HS3ST4: variants seen among roughly 807,000 people sequenced by gnomAD.
HS3ST4 encodes the protein heparan sulfate glucosamine 3-O-sulfotransferase 4.
A neutral mutation model predicts 29.2 loss-of-function variants in HS3ST4; 17 were observed. That is an observed-to-expected ratio of 0.58 (90% confidence interval 0.40 to 0.87). HS3ST4 has a LOEUF of 0.87. HS3ST4 is among the 40% of genes least tolerant of loss of function. The pLI is 0.00. For synonymous variants in HS3ST4, 314 were observed against 285.7 expected, an observed-to-expected ratio of 1.10 and a Z score of -1.00; for missense variants, 627 against 634.5, an observed-to-expected ratio of 0.99 and a Z score of 0.13.
At chr16:25,867,838 A>G (rs1348425748) in intron 1 of HS3ST4, among the ~76,000 whole-genome samples, 2 of 152,132 alleles carry the variant, frequency 1.3e-5, no homozygotes, top group Non-Finnish European at 2.9e-5. Flanking sequence ...GATCTCATGT[A>G]GGTTAGTCTT....
chr16:26,033,043 C>T (rs1969547312), intron 1 of HS3ST4, among the ~76,000 whole-genome samples: 1 of 152,120 alleles, frequency 6.6e-6, no homozygotes, highest in South Asian at 2.1e-4. Context: ...AGGTGGGACC[C>T]ATTCATTAAG....
chr16:25,955,255 A>G (rs1023206648), intron 1 of HS3ST4, among the ~76,000 whole-genome samples: 1 of 152,162 alleles, frequency 6.6e-6, no homozygotes, highest in African/African-American at 2.4e-5. Context: ...CTAGTTGGCA[A>G]TGGGTCAGGG....
intron 1 of HS3ST4, among the ~76,000 whole-genome samples, chr16:25,836,790 A>C (rs949969786): frequency 2.0e-5 from 3 of 152,218 alleles, no homozygotes; most frequent in Admixed American, 6.5e-5. Flanking sequence ...ATAATTCTTG[A>C]ATAAAGGATA....
chr16:25,889,109 C>T (rs1258285024), intron 1 of HS3ST4, among the ~76,000 whole-genome samples: 2 of 152,152 alleles, frequency 1.3e-5, no homozygotes, highest in Non-Finnish European at 2.9e-5. Context: ...CTTGTCAGAT[C>T]CCACTTCAAT....
intron 1 of HS3ST4, among the ~76,000 whole-genome samples, chr16:25,919,027 TTTTA>T (rs1410858286): frequency 6.6e-6 from 1 of 152,192 alleles, no homozygotes; most frequent in Non-Finnish European, 1.5e-5. Flanking sequence ...ATGCATTTTA[TTTTA>T]TTTTACTTCT....
At chr16:25,863,888 A>C (rs1280576394) in intron 1 of HS3ST4, among the ~76,000 whole-genome samples, 1 of 152,274 alleles carries the variant, frequency 6.6e-6, no homozygotes, top group East Asian at 1.9e-4. Context: ...TGGTTTAAAC[A>C]AAAGAAATTA....
intron 1 of HS3ST4, among the ~76,000 whole-genome samples, chr16:25,896,226 T>C (rs1386824633): frequency 6.6e-6 from 1 of 152,186 alleles, no homozygotes; most frequent in Non-Finnish European, 1.5e-5. Flanking sequence ...GTGATGTGTC[T>C]TGGGTGATTC....
chr16:25,779,550 T>C (rs1966850782), intron 1 of HS3ST4, among the ~76,000 whole-genome samples: 1 of 152,224 alleles, frequency 6.6e-6, no homozygotes, highest in South Asian at 2.1e-4. Context: ...GCTTGGAGTG[T>C]GTCAGACCCT....
chr16:25,925,557 T>G (rs750784346), intron 1 of HS3ST4, among the ~76,000 whole-genome samples: 4 of 152,040 alleles, frequency 2.6e-5, no homozygotes, highest in Non-Finnish European at 5.9e-5. Context: ...CAGAGAAACC[T>G]CTTGTGTCGT....
chr16:26,030,399 C>T (rs1370752528), intron 1 of HS3ST4, among the ~76,000 whole-genome samples: 2 of 151,910 alleles, frequency 1.3e-5, no homozygotes, highest in Admixed American at 6.6e-5. Flanking sequence ...GGTGAGACGC[C>T]GTCTCTAAAA....
chr16:25,712,394 G>A (rs1010374193), intron 1 of HS3ST4, among the ~76,000 whole-genome samples: 2 of 152,080 alleles, frequency 1.3e-5, no homozygotes, highest in Admixed American at 6.5e-5. Flanking sequence ...GGTGGTGCAT[G>A]CCTTTAGTCC....
At chr16:25,997,928 T>C (rs1596639553) in intron 1 of HS3ST4, among the ~76,000 whole-genome samples, 2 of 152,276 alleles carry the variant, frequency 1.3e-5, no homozygotes, top group Admixed American at 1.3e-4. Flanking sequence ...AGATATCTTT[T>C]CTGTCTTTTC....
intron 1 of HS3ST4, among the ~76,000 whole-genome samples, chr16:25,879,050 C>T (rs1406686906): frequency 6.6e-6 from 1 of 152,172 alleles, no homozygotes; most frequent in Non-Finnish European, 1.5e-5. Context: ...GTGTCACTGA[C>T]TGAAGCATCT....
Position 26,104,058 on chromosome 16 carries a change from G to C in HS3ST4, c.735-31554G>C, listed in dbSNP as rs115112684. On this transcript the variant is annotated intron_variant, in intron 1 of 1. Coordinates refer to ENST00000331351, the MANE Select transcript of HS3ST4 (RefSeq NM_006040.3). ...CTGGGAATGCATTTGACTGTATTTA[G>C]AACTCCCTAAAGGAAGAATGAGTTT... Among the ~76,000 whole-genome samples the C allele has an allele frequency of 5.3e-3, 810 of 152,288 alleles. 7 individuals are homozygous for C. The highest frequency in any genetic ancestry group is 0.019 in the African/African-American group (780 of 41,560).
At chr16:26,052,957 A>G (rs1384720533) in intron 1 of HS3ST4, among the ~76,000 whole-genome samples, 2 of 152,340 alleles carry the variant, frequency 1.3e-5, no homozygotes, top group African/African-American at 4.8e-5. Flanking sequence ...TTCATCTTGC[A>G]TAACATATGT....
chr16:26,074,252 T>G (rs1033431386), intron 1 of HS3ST4, among the ~76,000 whole-genome samples: 6 of 152,202 alleles, frequency 3.9e-5, no homozygotes, highest in Non-Finnish European at 8.8e-5. Flanking sequence ...GCTCTAAATC[T>G]CACATCAGGT....
intron 1 of HS3ST4, among the ~76,000 whole-genome samples, chr16:25,999,913 A>C (rs1969198594): frequency 1.4e-5 from 2 of 138,890 alleles, no homozygotes; most frequent in African/African-American, 2.7e-5. Flanking sequence ...ATATATATAT[A>C]TCTGTTTTTC....
chr16:25,818,981 G>A (rs1017048567), intron 1 of HS3ST4, among the ~76,000 whole-genome samples: 7 of 152,114 alleles, frequency 4.6e-5, no homozygotes, highest in African/African-American at 7.2e-5. Flanking sequence ...TATAAACTGG[G>A]GTTCCATGCA....
intron 1 of HS3ST4, among the ~76,000 whole-genome samples, chr16:25,914,099 GTA>G (rs1279687168): frequency 8.0e-5 from 12 of 150,592 alleles, no homozygotes; most frequent in African/African-American, 2.7e-4. Flanking sequence ...ATATGTGTGT[GTA>G]TGTGTATGTA....
Sources: allele counts gnomAD v4.1 joint callset (sites outside exome capture counted in the v4.1 genomes callset), GRCh38; gene constraint gnomAD v4.1.1; transcripts MANE v1.5; gene names NCBI Gene and HGNC (gene_info 2026-07-23, HGNC 2026-07-21).